The following LRRC34 variants were observed in gnomAD, a reference collection of about 807,000 sequenced individuals.
LRRC34 encodes leucine-rich repeat-containing protein 34.
LRRC34 carries 44 observed loss-of-function variants against 48.5 expected under a neutral mutation model. That is an observed-to-expected ratio of 0.91 (90% CI 0.71 to 1.17). LRRC34 has a LOEUF of 1.17. LRRC34 is among the 50% of genes most tolerant of loss of function. The probability of loss-of-function intolerance (pLI) is 0.00; values close to 1 mark genes in which losing one functional copy is unlikely to be tolerated. For missense variants in LRRC34, 502 were observed against 563.0 expected, an observed-to-expected ratio of 0.89 and a Z score of 1.10; for synonymous variants, 192 against 197.6, an observed-to-expected ratio of 0.97 and a Z score of 0.24.
At chr3:169,796,971 G>A in intron 7 of LRRC34, 72 bp from the exon 8 acceptor site, 1 of 1,177,854 alleles carries the variant, frequency 8.5e-7, no homozygotes, top group East Asian at 2.9e-5. Flanking sequence ...GACATATGCT[G>A]TTATTTAAAT....
chr3:169,812,371 T>A lies in LRRC34; in HGVS notation c.139+39A>T, dbSNP rs750612007. On this transcript the variant is annotated intron_variant, in intron 1 of 10. Transcript: ENST00000446859. This position sits in a 1 kb window ranked among gnomAD's most constrained non-coding sequence, Gnocchi z 4.3. ...ACCCCGGCGCCCCTCGCGCGTTTTG[T>A]CTGGGCCAGGCCGCGCAGACGTGCT... 6 of 1,508,700 alleles carry A rather than the reference T, an allele frequency of 4.0e-6. 1 individual carries two copies. The South Asian group carries it at 6.1e-5, about 15-fold the overall frequency. The allele number at this position is 1,508,700 out of a possible 1,614,324, so 93.5% of individuals were successfully genotyped here.
At chr3:169,801,141 G>A (rs1168634732) in intron 6 of LRRC34, among the ~76,000 whole-genome samples, 2 of 152,114 alleles carry the variant, frequency 1.3e-5, no homozygotes, top group African/African-American at 2.4e-5. Context: ...TGTGTGTGCG[G>A]TGGGAAAAGG....
In LRRC34 at chr3:169,793,046, G is replaced by A. The variant is rs1208359317; in HGVS notation, c.*589C>T. Among the ~76,000 whole-genome samples, 2 of 152,148 alleles carry A rather than the reference G, an allele frequency of 1.3e-5. No individual in the cohort carries two copies. The highest frequency in any genetic ancestry group is 2.4e-5 in the African/African-American group (1 of 41,408). On this transcript the variant is annotated 3_prime_UTR_variant, in exon 11 of 11. Coordinates refer to ENST00000446859, the MANE Select transcript of LRRC34 (RefSeq NM_001172779.2). ...TCCATTTATATAAAGGTCAAGAACA[G>A]GCAAAACTACTCTGTGGGGTTAGAA...
intron 6 of LRRC34, among the ~76,000 whole-genome samples, chr3:169,801,810 G>C (rs1158957648): frequency 6.6e-6 from 1 of 151,984 alleles, no homozygotes; most frequent in East Asian, 1.9e-4. Context: ...CACTATTTTT[G>C]TTTTTATTTA....
At position 169,804,133 on chromosome 3, in the gene LRRC34, T is replaced by C. The variant is rs761604317; in HGVS notation, c.577A>G (p.Asn193Asp). ...GCAGCAAAAAACATTCCACCTTTAT[T>C]TTCAATTTTGTTTCCAGTCATTCTT... Reference protein sequence around the residue: ...YLRMTGNKIENKGGMFFAAML... With the variant: ...YLRMTGNKIEDKGGMFFAAML... The change falls in exon 6 of 11, where the codon AAT becomes GAT. Residue 193 changes from asparagine to aspartate, a missense_variant. Physicochemically the swap from Asn to Asp is conservative, Grantham distance 23 (BLOSUM62 1). Transcript: ENST00000446859. The C allele has an allele frequency of 6.2e-7, 1 of 1,606,386 alleles. No individual in the cohort carries two copies. The highest frequency in any genetic ancestry group is 8.5e-7 in the Non-Finnish European group (1 of 1,176,196).
chr3:169,805,321 T>C (rs1779333524), intron 5 of LRRC34, among the ~76,000 whole-genome samples: 1 of 152,038 alleles, frequency 6.6e-6, no homozygotes, highest in Non-Finnish European at 1.5e-5. Flanking sequence ...ACAAGATCAA[T>C]ATACAAAAAC....
intron 7 of LRRC34, among the ~76,000 whole-genome samples, chr3:169,798,279 T>C (rs1779067577): frequency 6.6e-6 from 1 of 152,204 alleles, no homozygotes; most frequent in Non-Finnish European, 1.5e-5. Context: ...TTGTCAGAAA[T>C]AGTAAAGGGT....
At position 169,795,562 on chromosome 3, in the gene LRRC34, A is replaced by C; in HGVS notation, c.1114T>G (p.Ser372Ala). The change falls in exon 10 of 11, where the codon TCA becomes GCA. Residue 372 changes from serine (S) to alanine (A), a missense_variant. Coordinates refer to ENST00000446859, the MANE Select transcript of LRRC34 (RefSeq NM_001172779.2). ...NIEGEGLVAL[S>A]QSMKTNLTFS... ...GTGAGATTTGTTTTCATTGATTGTG[A>C]AAGTGCAACAAGTCCTTCTCCCTCT... 2 of 1,612,962 alleles carry C rather than the reference A, an allele frequency of 1.2e-6. No homozygotes were observed. Among genetic ancestry groups the C allele is most frequent in the Non-Finnish European group, 1.7e-6 (2 of 1,179,292 alleles).
chr3:169,795,675 C>G (rs1308523330), intron 9 of LRRC34, 64 bp from the exon 10 acceptor site: 7 of 1,554,422 alleles, frequency 4.5e-6, no homozygotes, highest in Non-Finnish European at 1.7e-6. Context: ...CAAACACTTT[C>G]TTGTGTAGTC....
At chr3:169,811,335 CA>C (rs1402803665) in intron 1 of LRRC34, among the ~76,000 whole-genome samples, 1 of 152,178 alleles carries the variant, frequency 6.6e-6, no homozygotes, top group Non-Finnish European at 1.5e-5. Context: ...TACAGCTAAA[CA>C]AAGTTATGGA....
chr3:169,807,913 C>T (rs1276802586), intron 2 of LRRC34: 3 of 566,112 alleles, frequency 5.3e-6, no homozygotes, highest in Non-Finnish European at 8.6e-6. Context: ...CTGCAAAGTG[C>T]TTTAAAAGAT....
chr3:169,794,672 C>T (rs1778928419), intron 10 of LRRC34: 1 of 152,372 alleles, frequency 6.6e-6, no homozygotes, highest in African/African-American at 2.4e-5. Context: ...CCTTAGCCTC[C>T]CAAAGTGCTG....
chr3:169,808,720 TTTCTGGAGACCAGA>T lies in LRRC34; in HGVS notation c.151_164del (p.Ser51ThrfsTer4), dbSNP rs1335208311. 6.3e-7 allele frequency: 1 copy of T among 1,589,232 alleles called. No individual in the cohort carries two copies. Among genetic ancestry groups the T allele is most frequent in the Non-Finnish European group, 8.6e-7 (1 of 1,161,066 alleles). On this transcript the variant is annotated frameshift_variant, in exon 2 of 11. Transcript: ENST00000446859. LOFTEE classifies it high-confidence loss of function. ...TTTCCATACACAGATTAGAATAATG[TTTCTGGAGACCAGA>T]TTCTGGAGATTCTGAAAAATATATG... is the stretch of plus-strand genomic sequence containing the variant.
chr3:169,807,662 A>C lies in LRRC34; in HGVS notation c.305T>G (p.Val102Gly). 6.2e-7 allele frequency: 1 copy of C among 1,609,964 alleles called. No individual in the cohort carries two copies. Among genetic ancestry groups the C allele is most frequent in the Non-Finnish European group, 8.5e-7 (1 of 1,179,006 alleles). ...TLNIAGNNRL[V>G]PVERVTGEDF... ...TTCACCTGTAACTCTTTCTACTGGC[A>C]CTAAGCGATTGTTACCAGCAATGTT... is the stretch of plus-strand genomic sequence containing the variant. Residue 102 changes from valine (V) to glycine (G), a missense_variant, in exon 3 of 11, where the codon GTG becomes GGG. Transcript: ENST00000446859.
chr3:169,808,315 G>GAAAAAAA (rs796111859), intron 2 of LRRC34, among the ~76,000 whole-genome samples: 1 of 52,900 alleles, frequency 1.9e-5, no homozygotes, highest in Non-Finnish European at 4.7e-5. Context: ...CACCATCTCA[G>GAAAAAAA]AAAAAAAAAA....
At chr3:169,793,970 CT>C in intron 10 of LRRC34, 132 bp from the exon 11 acceptor site, 1 of 575,100 alleles carries the variant, frequency 1.7e-6, no homozygotes, top group Non-Finnish European at 2.9e-6. Context: ...AATAACATTG[CT>C]GAATTTTAAT....
chr3:169,811,986 T>C (rs528748671), intron 1 of LRRC34, among the ~76,000 whole-genome samples: 52 of 152,162 alleles, frequency 3.4e-4, no homozygotes, highest in Admixed American at 3.1e-3. Flanking sequence ...AAAACGGAGA[T>C]AGTACAGAGG....
intron 5 of LRRC34, among the ~76,000 whole-genome samples, chr3:169,806,435 T>G (rs755471868): frequency 5.3e-5 from 8 of 152,074 alleles, no homozygotes; most frequent in Non-Finnish European, 7.4e-5. Context: ...AATAGGCAAA[T>G]ACATAGAGAG....
intron 10 of LRRC34, chr3:169,794,078 C>T: frequency 2.9e-6 from 1 of 346,802 alleles, no homozygotes; most frequent in South Asian, 4.2e-5. Flanking sequence ...ATGTATTAGA[C>T]ATGTTTTGTC....
Sources: gnomAD v4.1 joint callset for allele counts (sites outside exome capture counted in the v4.1 genomes callset) on GRCh38, gnomAD v4.1.1 for gene constraint, Gnocchi (gnomAD v3.1) non-coding constraint, MANE v1.5 for transcripts, NCBI Gene and HGNC (gene_info 2026-07-23, HGNC 2026-07-21) for gene names.